Variants in PPP1R16A observed in about 807,000 individuals in gnomAD.
PPP1R16A encodes the protein protein phosphatase 1 regulatory subunit 16A.
In PPP1R16A, 39 loss-of-function variants were observed where a neutral mutation model predicts 46.6. The ratio of observed to expected loss-of-function variants is 0.84; its 90% CI spans 0.65 to 1.09. The LOEUF (loss-of-function observed/expected upper bound fraction) is 1.09, where lower values mean the gene tolerates loss of function less well. PPP1R16A is among the 50% of genes least tolerant of loss of function. PPP1R16A has a pLI of 0.00. For synonymous variants in PPP1R16A, 413 were observed against 321.5 expected (o/e 1.28, Z -3.04); for missense variants, 798 against 735.6 (o/e 1.08, Z -0.98).
intron 1 of PPP1R16A, among the ~76,000 whole-genome samples, chr8:144,485,673 T>A (rs1825606406): frequency 6.6e-6 from 1 of 152,234 alleles, no homozygotes; most frequent in South Asian, 2.1e-4. Context: ...GACACCAATG[T>A]GCTCCATTGA....
Position 144,500,848 on chromosome 8 carries a change from G to T in PPP1R16A, c.914G>T (p.Cys305Phe). The change falls in exon 10 of 12, where the codon TGC (cysteine) becomes TTC (phenylalanine). Residue 305 changes from cysteine to phenylalanine, a missense_variant. Cys to Phe is a radical substitution (Grantham distance 205). Coordinates refer to ENST00000435887, the MANE Select transcript of PPP1R16A (RefSeq NM_001329443.2). ...GCCTGCGCCCACTTCTCAGATGTGT[G>T]CGGGGACGAGGAGGTGCGGGCCAAG... ...SLMDETPLDV[C>F]GDEEVRAKLL... The T allele has an allele frequency of 6.3e-7, 1 of 1,578,408 alleles. No homozygotes were observed. Among genetic ancestry groups the T allele is most frequent in the South Asian group, 1.1e-5 (1 of 87,130 alleles).
At chr8:144,494,580 T>G (rs2130404546) in intron 2 of PPP1R16A, among the ~76,000 whole-genome samples, 1 of 152,312 alleles carries the variant, frequency 6.6e-6, no homozygotes, top group South Asian at 2.1e-4. Flanking sequence ...AGTGCTGGCA[T>G]GAGCCACTGT....
intron 2 of PPP1R16A, among the ~76,000 whole-genome samples, chr8:144,494,598 C>T (rs542618341): frequency 7.9e-5 from 12 of 152,294 alleles, no homozygotes; most frequent in Admixed American, 3.3e-4. Flanking sequence ...TGTTCCCTGA[C>T]GGTTAAATCT....
chr8:144,499,239 T>G (rs896833958), intron 5 of PPP1R16A, 178 bp downstream of exon 5: 1 of 856,028 alleles, frequency 1.2e-6, no homozygotes, highest in Middle Eastern at 3.6e-4. Flanking sequence ...GGAATGGGCA[T>G]GTGCCCAGGG....
rs948595459 is a variant in PPP1R16A, at chr8:144,500,541, C to T, written c.760C>T (p.His254Tyr). The T allele has an allele frequency of 1.3e-6, 2 of 1,595,624 alleles. No homozygotes were observed. The highest frequency in any genetic ancestry group is 1.7e-5 in the Admixed American group (1 of 59,628). The change falls in exon 8 of 12, where the codon CAC becomes TAC. Residue 254 changes from histidine to tyrosine, a missense_variant. His to Tyr is a moderately conservative substitution (Grantham distance 83). Transcript: ENST00000435887. ...FSEAAALLLE[H>Y]RASLSAKDQD... is the part of the protein sequence containing the mutation. ...CGAGGCGGCTGCCCTGCTGCTGGAA[C>T]ACCGAGCCAGCCTGAGCGCTAAGGA...
chr8:144,498,637 C>T (rs982041647), intron 3 of PPP1R16A, 133 bp from the exon 4 acceptor site: 14 of 853,732 alleles, frequency 1.6e-5, no homozygotes, highest in Non-Finnish European at 2.1e-5. Flanking sequence ...TGCCCCCACC[C>T]CTGGGCTCTG....
intron 1 of PPP1R16A, chr8:144,478,330 C>T (rs1202378442): frequency 1.1e-5 from 4 of 376,088 alleles, no homozygotes; most frequent in Non-Finnish European, 1.9e-5. Context: ...AGAGAGGAGG[C>T]TGGCGACGGA....
In PPP1R16A at chr8:144,501,241, G is replaced by A. The variant is rs933735581; in HGVS notation, c.1150G>A (p.Glu384Lys). The A allele has an allele frequency of 6.2e-6, 10 of 1,605,090 alleles. No individual in the cohort carries two copies. Among genetic ancestry groups the A allele is most frequent in the African/African-American group, 4.0e-5 (3 of 74,826 alleles). Reference sequence around the variant, plus strand: ...GCCGCCCACCAGCCCGGAGCCGCCCGAGGACAACGATGACCGCCAGACAGG... The same window carrying A: ...GCCGCCCACCAGCCCGGAGCCGCCCAAGGACAACGATGACCGCCAGACAGG... The part of the protein sequence containing the change: ...QPPPTSPEPP[E>K]DNDDRQTGAE... Residue 384 changes from glutamate to lysine, a missense_variant, in exon 11 of 12, where the codon GAG becomes AAG. Glu to Lys is a moderately conservative substitution (Grantham distance 56). Coordinates refer to ENST00000435887, the MANE Select transcript of PPP1R16A (RefSeq NM_001329443.2).
rs2130378543 is a variant in PPP1R16A, at chr8:144,493,465, G to A, written c.-734-2996G>A. Among the ~76,000 whole-genome samples, 1 of 152,300 alleles carries A rather than the reference G, an allele frequency of 6.6e-6. No individual in the cohort carries two copies. Among genetic ancestry groups the A allele is most frequent in the East Asian group, 1.9e-4 (1 of 5,182 alleles). On this transcript the variant is annotated intron_variant, in intron 2 of 11. Coordinates refer to ENST00000435887, the MANE Select transcript of PPP1R16A (RefSeq NM_001329443.2). The surrounding 1 kb of genome is among the most constrained non-coding windows in gnomAD (Gnocchi z 4.3). ...CCAAGGGGCAAGTCTTCTCAGCTCT[G>A]GTGGGCTGTTCCTGGTCCATCTTGT...
At chr8:144,485,212 CAAAAA>C (rs749667274) in intron 1 of PPP1R16A, among the ~76,000 whole-genome samples, 31 of 61,544 alleles carry the variant, frequency 5.0e-4, no homozygotes, top group African/African-American at 2.7e-3. Flanking sequence ...AATAGAATCT[CAAAAA>C]AAAAAAAAAA....
At chr8:144,501,081 C>G (rs755883296) in intron 10 of PPP1R16A, 48 bp from the exon 11 acceptor site, 2 of 1,587,270 alleles carry the variant, frequency 1.3e-6, no homozygotes, top group South Asian at 2.3e-5. Flanking sequence ...GGGCGGGGTC[C>G]TCCGGGCACT....
intron 2 of PPP1R16A, chr8:144,496,005 G>A (rs1457534081): frequency 1.3e-5 from 2 of 152,826 alleles, no homozygotes; most frequent in African/African-American, 4.8e-5. Context: ...GTCAGGACAG[G>A]AGGAGGCGGG....
chr8:144,498,066 G>A (rs1826183422), intron 3 of PPP1R16A: 3 of 456,240 alleles, frequency 6.6e-6, no homozygotes, highest in African/African-American at 6.0e-5. Flanking sequence ...TGGCCCTTGA[G>A]ACTCCTTCCT....
At chr8:144,499,163 T>G (rs1586758618) in intron 5 of PPP1R16A, 102 bp downstream of exon 5, 2 of 1,387,584 alleles carry the variant, frequency 1.4e-6, no homozygotes, top group Non-Finnish European at 1.9e-6. Flanking sequence ...CCTCCTGTGT[T>G]CCCGCCTTCA....
rs372349305 is a variant in PPP1R16A at position 144,498,899 on chromosome 8, C to T, written c.331-17C>T. 108 of 1,612,538 alleles carry T rather than the reference C, an allele frequency of 6.7e-5. No homozygotes were observed. The highest frequency in any genetic ancestry group is 1.3e-4 in the Admixed American group (8 of 59,980). On this transcript the variant is annotated splice_polypyrimidine_tract_variant and intron_variant, in intron 4 of 11. Coordinates refer to ENST00000435887, the MANE Select transcript of PPP1R16A (RefSeq NM_001329443.2). ...CTGGCCCCCGTGCTCTGGTCGCTCA[C>T]GTGGCACGGTTTGCAGTGCTGCATT...
At chr8:144,488,439 G>T (rs781625711) in intron 1 of PPP1R16A, among the ~76,000 whole-genome samples, 2 of 152,160 alleles carry the variant, frequency 1.3e-5, no homozygotes, top group Non-Finnish European at 2.9e-5. Context: ...TGGCAGCGAG[G>T]GAGGCACTGG....
rs1825916800 is a variant in PPP1R16A, at chr8:144,493,819, G to A, written c.-734-2642G>A. ...CTGCCCAGAGTCCCATGGAGACATT[G>A]GGCAGCTTCCAGCTAGGAAGGTGGG... On this transcript the variant is annotated intron_variant, in intron 2 of 11. Transcript: ENST00000435887. This position sits in a 1 kb window ranked among gnomAD's most constrained non-coding sequence, Gnocchi z 4.3. Among the ~76,000 whole-genome samples the A allele has an allele frequency of 6.6e-6, 1 of 152,114 alleles. No individual in the cohort carries two copies. The highest frequency in any genetic ancestry group is 1.5e-5 in the Non-Finnish European group (1 of 67,972).
chr8:144,501,421 ATC>A, intron 11 of PPP1R16A, 97 bp from the exon 12 acceptor site: 1 of 1,479,422 alleles, frequency 6.8e-7, no homozygotes, highest in Non-Finnish European at 9.0e-7. Context: ...CTTTTGCCCC[ATC>A]TCTCCTGTCT....
Position 144,501,448 on chromosome 8 carries a change from A to G in PPP1R16A, c.1204-72A>G, listed in dbSNP as rs191933161. 1,231 of 1,483,992 alleles carry G rather than the reference A, an allele frequency of 8.3e-4. 9 individuals are homozygous for G. In the African/African-American group the frequency reaches 0.016, roughly 19 times the overall value. The allele number at this position is 1,483,992 out of a possible 1,614,324, so 91.9% of individuals were successfully genotyped here. On this transcript the variant is annotated intron_variant, in intron 11 of 11. Transcript: ENST00000435887. ...CTCTCCTGTCTGTCCCTTCATGACC[A>G]TACAGCCTGAACCCAAGGCCAGGGA...
Sources: gnomAD v4.1 joint callset for allele counts (sites outside exome capture counted in the v4.1 genomes callset) on GRCh38, gnomAD v4.1.1 for gene constraint, Gnocchi (gnomAD v3.1) non-coding constraint, MANE v1.5 for transcripts, NCBI Gene and HGNC (gene_info 2026-07-23, HGNC 2026-07-21) for gene names.